CFI: variants seen among roughly 807,000 people sequenced by gnomAD.
CFI encodes the protein C3B/C4B inactivator.
Under a neutral mutation model 78.8 loss-of-function variants are expected in CFI, and 66 were observed. The observed-to-expected ratio is 0.84, with a 90% CI of 0.69 to 1.03. The LOEUF (loss-of-function observed/expected upper bound fraction) is 1.03, where lower values mean the gene tolerates loss of function less well. Among genes scored for constraint, CFI ranks in the 50% least tolerant of loss-of-function variants. The probability of loss-of-function intolerance (pLI) is 0.00; values close to 1 mark genes in which losing one functional copy is unlikely to be tolerated. For synonymous variants in CFI, 250 were observed against 232.6 expected (o/e 1.07, Z -0.68); for missense variants, 706 against 704.5 (o/e 1.00, Z -0.02).
In CFI at chr4:109,780,427, C is replaced by A. The variant is rs546202842; in HGVS notation, c.58-13603G>T. Among the ~76,000 whole-genome samples, 3 of 152,262 alleles carry A rather than the reference C, an allele frequency of 2.0e-5. No individual in the cohort carries two copies. In the South Asian group the frequency reaches 6.2e-4, roughly 32 times the overall value. ...ATCATCACTGGCCATCAGAGAAATG[C>A]AAATCAAAACCACAATGAGATACCA... On this transcript the variant is annotated intron_variant, in intron 1 of 12. Transcript: ENST00000394634.
chr4:109,801,848 T>C, intron 1 of CFI, 67 bp downstream of exon 1: 1 of 1,056,814 alleles, frequency 9.5e-7, no homozygotes, highest in Non-Finnish European at 1.4e-6. Flanking sequence ...TTTAAGATTA[T>C]TTTCTATGTT....
At chr4:109,764,241 T>A in intron 3 of CFI, 1 of 442,898 alleles carries the variant, frequency 2.3e-6, no homozygotes, top group South Asian at 2.2e-5. Flanking sequence ...AAAGTGTACA[T>A]AATTGTAGAC....
intron 9 of CFI, 44 bp from the exon 10 acceptor site, chr4:109,749,365 C>A (rs764739285): frequency 3.9e-6 from 6 of 1,549,488 alleles, no homozygotes; most frequent in Non-Finnish European, 4.5e-6. Context: ...TAACAGATAG[C>A]GATACAAACA....
intron 2 of CFI, 118 bp downstream of exon 2, chr4:109,766,436 G>GA: frequency 8.3e-7 from 1 of 1,210,836 alleles, no homozygotes; most frequent in Non-Finnish European, 1.2e-6. Context: ...TGAGAGTCTA[G>GA]AAAAAAATTT....
intron 1 of CFI, among the ~76,000 whole-genome samples, chr4:109,770,647 A>G (rs1448301598): frequency 1.3e-5 from 2 of 151,674 alleles, no homozygotes; most frequent in Non-Finnish European, 2.9e-5. Context: ...AAAAAAAAAA[A>G]AAAAGAAAGT....
chr4:109,743,914 G>C (rs949588179), intron 11 of CFI, among the ~76,000 whole-genome samples: 1 of 152,052 alleles, frequency 6.6e-6, no homozygotes, highest in African/African-American at 2.4e-5. Context: ...GAGCCCCAGA[G>C]CTCAAGGTTG....
At chr4:109,762,487 T>C (rs1294569254) in intron 3 of CFI, 1 of 152,226 alleles carries the variant, frequency 6.6e-6, no homozygotes, top group Non-Finnish European at 1.5e-5. Context: ...TGATTTACAG[T>C]GAACTATTCT....
intron 1 of CFI, among the ~76,000 whole-genome samples, chr4:109,796,483 T>C (rs139381850): frequency 8.6e-4 from 131 of 152,314 alleles, no homozygotes; most frequent in Middle Eastern, 3.4e-3. Flanking sequence ...ACATCAATAA[T>C]GAACTGTCCT....
chr4:109,773,844 G>C (rs528820229), intron 1 of CFI, among the ~76,000 whole-genome samples: 4 of 152,170 alleles, frequency 2.6e-5, no homozygotes, highest in Non-Finnish European at 4.4e-5. Context: ...TTTTGGACCC[G>C]AACAATAGAC....
At chr4:109,769,787 G>A (rs924473714) in intron 1 of CFI, among the ~76,000 whole-genome samples, 8 of 152,266 alleles carry the variant, frequency 5.3e-5, no homozygotes, top group Non-Finnish European at 1.0e-4. Context: ...CCCTCCTGAG[G>A]ACCCACACCT....
rs1726882902 is a variant in CFI at position 109,760,328 on chromosome 4, C to T, written c.825G>A (p.Gln275=). ...AGTCCACCTCACCATTGCATTGATA[C>T]TGGCTTGGAATGCAAACACCCGATT... is the stretch of plus-strand genomic sequence containing the variant. ...HCKSGVCIPS[Q]YQCNGEVDCI... The change falls in exon 6 of 13, where the codon CAG becomes CAA. Residue 275 remains glutamine (Q), a synonymous_variant. Transcript: ENST00000394634. 1 of 1,614,068 alleles carries T rather than the reference C, an allele frequency of 6.2e-7. No individual in the cohort carries two copies. The highest frequency in any genetic ancestry group is 1.1e-5 in the South Asian group (1 of 91,092).
At position 109,764,675 on chromosome 4, in the gene CFI, G is replaced by A. The variant is rs868092516; in HGVS notation, c.344C>T (p.Ser115Phe). 1 of 1,613,664 alleles carries A rather than the reference G, an allele frequency of 6.2e-7. No homozygotes were observed. The highest frequency in any genetic ancestry group is 1.1e-5 in the South Asian group (1 of 91,062). ...TCTAEGKFSVSLKHGNTDSEG... is the reference protein window; with the variant it reads ...TCTAEGKFSVFLKHGNTDSEG... ...TGAATCTGTATTTCCATGCTTCAAG[G>A]AAACACTAAACTTTCCTAAAATAAA... Residue 115 changes from serine (S) to phenylalanine (F), a missense_variant, in exon 3 of 13, where the codon TCC becomes TTC. Transcript: ENST00000394634.
At chr4:109,762,531 A>G (rs1727219876) in intron 3 of CFI, 3 of 152,240 alleles carry the variant, frequency 2.0e-5, no homozygotes, top group Admixed American at 2.0e-4. Flanking sequence ...GCTTCTCTCT[A>G]GAAGTAAATG....
At chr4:109,746,116 T>C in intron 11 of CFI, 106 bp downstream of exon 11, 2 of 1,311,982 alleles carry the variant, frequency 1.5e-6, no homozygotes, top group Non-Finnish European at 2.2e-6. Context: ...TTTCTGGATA[T>C]GATGTTATGC....
At chr4:109,747,219 T>C (rs1462670339) in intron 10 of CFI, among the ~76,000 whole-genome samples, 1 of 152,188 alleles carries the variant, frequency 6.6e-6, no homozygotes, top group Non-Finnish European at 1.5e-5. Flanking sequence ...AGGGTCTCAC[T>C]CTTTTGCCTA....
At chr4:109,746,570 A>G (rs1724486536) in intron 10 of CFI, 68 bp from the exon 11 acceptor site, 5 of 1,294,214 alleles carry the variant, frequency 3.9e-6, no homozygotes, top group Middle Eastern at 5.4e-4. Flanking sequence ...CTGACACTTC[A>G]CTTTTATATT....
intron 1 of CFI, among the ~76,000 whole-genome samples, chr4:109,767,158 G>C (rs1339526046): frequency 3.3e-5 from 5 of 152,232 alleles, no homozygotes; most frequent in African/African-American, 1.2e-4. Flanking sequence ...TTACATGTTA[G>C]ACCTAAAACC....
At chr4:109,794,834 A>G (rs1256557961) in intron 1 of CFI, among the ~76,000 whole-genome samples, 1 of 152,128 alleles carries the variant, frequency 6.6e-6, no homozygotes, top group Non-Finnish European at 1.5e-5. Flanking sequence ...ATATTTGTTT[A>G]TACATTATTA....
chr4:109,738,962 G>A (rs924747901), downstream of CFI, among the ~76,000 whole-genome samples: 4 of 152,170 alleles, frequency 2.6e-5, no homozygotes, highest in Non-Finnish European at 5.9e-5. Flanking sequence ...TAATAGATAT[G>A]AAGTTTCAAT....
Sources: gnomAD v4.1 joint callset for allele counts (sites outside exome capture counted in the v4.1 genomes callset) on GRCh38, gnomAD v4.1.1 for gene constraint, MANE v1.5 for transcripts, NCBI Gene and HGNC (gene_info 2026-07-23, HGNC 2026-07-21) for gene names.